The following IMMP2L variants were observed in gnomAD, a reference collection of about 807,000 sequenced individuals.
The protein encoded by IMMP2L is mitochondrial inner membrane protease subunit 2.
IMMP2L carries 18 observed loss-of-function variants against 19.3 expected under a neutral mutation model. The observed-to-expected ratio is 0.93, with a 90% CI of 0.64 to 1.38. IMMP2L has a LOEUF of 1.38. Among genes scored for constraint, IMMP2L ranks in the 40% most tolerant of loss-of-function variants. The pLI is 0.00. For synonymous variants in IMMP2L, 76 were observed against 73.0 expected (o/e 1.04, Z -0.21); for missense variants, 233 against 218.2 (o/e 1.07, Z -0.43).
At position 110,807,316 on chromosome 7, in the gene IMMP2L, G is replaced by A. The variant is rs572568244; in HGVS notation, c.408+79277C>T. On this transcript the variant is annotated intron_variant, in intron 5 of 5. Coordinates refer to ENST00000405709, the MANE Select transcript of IMMP2L (RefSeq NM_032549.4). The stretch of plus-strand genomic sequence containing the variant: ...ATGTTCATTCTTATTCTCAACCCAG[G>A]AGGACATTTCTTTGGCCATTAAAAA... 5.3e-5 allele frequency among the ~76,000 whole-genome samples: 8 copies of A among 151,982 alleles called. No individual in the cohort carries two copies. In the South Asian group the frequency reaches 1.7e-3, roughly 32 times the overall value.
intron 5 of IMMP2L, among the ~76,000 whole-genome samples, chr7:110,703,811 T>C (rs546726855): frequency 5.4e-4 from 82 of 152,280 alleles, no homozygotes; most frequent in South Asian, 3.1e-3. Context: ...TGTAATCATG[T>C]AGAAAATAAT....
intron 1 of IMMP2L, among the ~76,000 whole-genome samples, chr7:111,540,540 A>G (rs1047435327): frequency 1.3e-5 from 2 of 152,258 alleles, no homozygotes; most frequent in East Asian, 3.9e-4. Context: ...GGGAAACCCT[A>G]TATTAGCACT....
intron 4 of IMMP2L, among the ~76,000 whole-genome samples, chr7:110,926,216 T>A (rs997905619): frequency 6.6e-6 from 1 of 152,050 alleles, no homozygotes; most frequent in African/African-American, 2.4e-5. Context: ...GGTGAGAAAA[T>A]TCCTTTATCC....
intron 5 of IMMP2L, among the ~76,000 whole-genome samples, chr7:110,685,819 G>A (rs1793072114): frequency 6.6e-6 from 1 of 152,020 alleles, no homozygotes; most frequent in Non-Finnish European, 1.5e-5. Context: ...ATCCCTATGA[G>A]ACCTTTGCCT....
At chr7:110,669,894 T>C (rs1791773604) in intron 5 of IMMP2L, among the ~76,000 whole-genome samples, 1 of 152,174 alleles carries the variant, frequency 6.6e-6, no homozygotes, top group Non-Finnish European at 1.5e-5. Flanking sequence ...CCTTGACAAA[T>C]AAGAATATAG....
At chr7:111,020,243 G>C (rs1826144650) in intron 3 of IMMP2L, among the ~76,000 whole-genome samples, 1 of 151,960 alleles carries the variant, frequency 6.6e-6, no homozygotes, top group Non-Finnish European at 1.5e-5. Context: ...AATTAGCCAG[G>C]CATGGTGGCT....
At chr7:110,918,273 T>C (rs1646884339) in intron 4 of IMMP2L, among the ~76,000 whole-genome samples, 1 of 152,086 alleles carries the variant, frequency 6.6e-6, no homozygotes, top group Admixed American at 6.6e-5. Context: ...ATGAGGAACT[T>C]TTTTTGTTTT....
intron 3 of IMMP2L, among the ~76,000 whole-genome samples, chr7:111,328,458 C>G (rs1453152724): frequency 1.3e-5 from 2 of 151,524 alleles, no homozygotes; most frequent in Non-Finnish European, 2.9e-5. Context: ...CTTATTGGTA[C>G]AAAAATTATT....
At position 110,890,392 on chromosome 7, in the gene IMMP2L, AG is replaced by A. The variant is rs759953888; in HGVS notation, c.306-3698del. Reference sequence around the variant, plus strand: ...TTGAAAGAACTCTTCGAGCTATAGAAGAACCCTGGTAAAATTCACGCTATAT... The same window carrying A: ...TTGAAAGAACTCTTCGAGCTATAGAAAACCCTGGTAAAATTCACGCTATAT... On this transcript the variant is annotated intron_variant, in intron 4 of 5. Transcript: ENST00000405709. Among the ~76,000 whole-genome samples the A allele has an allele frequency of 5.3e-5, 8 of 152,332 alleles. No individual in the cohort carries two copies. The East Asian group carries it at 1.2e-3, about 22-fold the overall frequency.
At chr7:110,688,934 GTACA>G (rs1412991773) in intron 5 of IMMP2L, among the ~76,000 whole-genome samples, 1 of 152,034 alleles carries the variant, frequency 6.6e-6, no homozygotes, top group Non-Finnish European at 1.5e-5. Context: ...CTGAAAAGAT[GTACA>G]TAAACATTTC....
chr7:111,290,494 G>T (rs200943956), intron 3 of IMMP2L, among the ~76,000 whole-genome samples: 2 of 150,642 alleles, frequency 1.3e-5, no homozygotes, highest in Non-Finnish European at 2.9e-5. Flanking sequence ...AAGCATGATT[G>T]ACTTCTTTTT....
At chr7:111,509,317 G>C (rs1238350882) in intron 2 of IMMP2L, among the ~76,000 whole-genome samples, 2 of 152,170 alleles carry the variant, frequency 1.3e-5, no homozygotes, top group Non-Finnish European at 2.9e-5. Context: ...GACCACAGCA[G>C]CTACAAAAGG....
chr7:111,342,174 T>C (rs1359633697), intron 3 of IMMP2L, among the ~76,000 whole-genome samples: 3 of 152,188 alleles, frequency 2.0e-5, no homozygotes, highest in African/African-American at 7.2e-5. Flanking sequence ...CTTTTGTATT[T>C]GGGAGGAAGG....
At chr7:111,359,689 A>G (rs1486480290) in intron 3 of IMMP2L, among the ~76,000 whole-genome samples, 1 of 152,126 alleles carries the variant, frequency 6.6e-6, no homozygotes, top group Non-Finnish European at 1.5e-5. Context: ...AAACATGCTC[A>G]TTGGTTGTTA....
chr7:110,684,794 TC>T (rs1464069942), intron 5 of IMMP2L, among the ~76,000 whole-genome samples: 1 of 152,038 alleles, frequency 6.6e-6, no homozygotes. Context: ...CCAATCCATT[TC>T]CCTACCAAAG....
At chr7:110,892,316 G>A (rs1413446116) in intron 4 of IMMP2L, among the ~76,000 whole-genome samples, 1 of 152,076 alleles carries the variant, frequency 6.6e-6, no homozygotes, top group African/African-American at 2.4e-5. Context: ...GGTCCAACTT[G>A]TCTCAGGCCA....
chr7:111,097,554 T>C (rs1163209875), intron 3 of IMMP2L, among the ~76,000 whole-genome samples: 14 of 151,780 alleles, frequency 9.2e-5, no homozygotes, highest in Admixed American at 1.3e-4. Flanking sequence ...AATAACATTG[T>C]CAACTAACTT....
chr7:110,829,164 T>C (rs1803747458), intron 5 of IMMP2L, among the ~76,000 whole-genome samples: 1 of 152,138 alleles, frequency 6.6e-6, no homozygotes, highest in South Asian at 2.1e-4. Flanking sequence ...GTTTATTCTG[T>C]ACCTAGAAGA....
chr7:110,967,743 A>G (rs1464944986), intron 3 of IMMP2L, among the ~76,000 whole-genome samples: 1 of 152,110 alleles, frequency 6.6e-6, no homozygotes, highest in Non-Finnish European at 1.5e-5. Flanking sequence ...ATCCTAAAGG[A>G]TAAAGCATGC....
Sources: allele counts gnomAD v4.1 joint callset (sites outside exome capture counted in the v4.1 genomes callset), GRCh38; gene constraint gnomAD v4.1.1; transcripts MANE v1.5; gene names NCBI Gene and HGNC (gene_info 2026-07-23, HGNC 2026-07-21).